The following NELL1 variants were observed in gnomAD, a reference collection of about 807,000 sequenced individuals.
The protein encoded by NELL1 is neural EGFL like 1.
Under a neutral mutation model 107.4 loss-of-function variants are expected in NELL1, and 76 were observed. The ratio of observed to expected loss-of-function variants is 0.71; its 90% CI spans 0.59 to 0.86. The LOEUF is 0.86. NELL1 is among the 40% of genes least tolerant of loss of function. The probability of loss-of-function intolerance (pLI) is 0.00; values close to 1 mark genes in which losing one functional copy is unlikely to be tolerated. For synonymous variants in NELL1, 353 were observed against 341.2 expected (o/e 1.03, Z -0.38); for missense variants, 1,024 against 1,005.5 (o/e 1.02, Z -0.25).
intron 15 of NELL1, among the ~76,000 whole-genome samples, chr11:21,498,618 C>T (rs912443883): frequency 3.3e-5 from 5 of 151,688 alleles, no homozygotes; most frequent in Non-Finnish European, 5.9e-5. Flanking sequence ...AATTAATATT[C>T]TTACAGAAGT....
At chr11:21,204,253 A>T (rs1857338975) in intron 13 of NELL1, among the ~76,000 whole-genome samples, 1 of 152,054 alleles carries the variant, frequency 6.6e-6, no homozygotes, top group African/African-American at 2.4e-5. Flanking sequence ...CACCAATCAA[A>T]TGTAGATTTA....
intron 15 of NELL1, among the ~76,000 whole-genome samples, chr11:21,529,906 A>T (rs1028546652): frequency 6.6e-5 from 10 of 152,304 alleles, no homozygotes; most frequent in African/African-American, 2.4e-4. Flanking sequence ...TGAAATCTAA[A>T]TAATTATTAG....
chr11:21,213,875 A>G (rs1345553640), intron 13 of NELL1, among the ~76,000 whole-genome samples: 2 of 152,160 alleles, frequency 1.3e-5, no homozygotes, highest in African/African-American at 4.8e-5. Flanking sequence ...ATATAAAACT[A>G]TTGGAAAAAT....
chr11:21,258,058 G>A (rs771562107), intron 14 of NELL1, among the ~76,000 whole-genome samples: 22 of 151,988 alleles, frequency 1.4e-4, no homozygotes, highest in Non-Finnish European at 2.6e-4. Context: ...GGAGACGCCC[G>A]AAGTGGAGAA....
At chr11:21,375,618 T>C (rs1001101781) in intron 15 of NELL1, among the ~76,000 whole-genome samples, 4 of 152,100 alleles carry the variant, frequency 2.6e-5, no homozygotes, top group Non-Finnish European at 4.4e-5. Flanking sequence ...TTCTTTGAGA[T>C]ATCTCCAAAC....
chr11:21,320,826 T>A (rs754062474), intron 14 of NELL1, among the ~76,000 whole-genome samples: 1 of 152,226 alleles, frequency 6.6e-6, no homozygotes, highest in Non-Finnish European at 1.5e-5. Context: ...ATGCTTTCTA[T>A]GCACATTTAA....
chr11:20,676,397 T>C (rs899077540), intron 1 of NELL1, among the ~76,000 whole-genome samples: 1 of 152,060 alleles, frequency 6.6e-6, no homozygotes, highest in African/African-American at 2.4e-5. Context: ...GTGTGCTATA[T>C]AGTAAGCACT....
rs562464841 is a variant in NELL1 at position 21,573,311 on chromosome 11, G to T, written c.2284G>T (p.Asp762Tyr). The T allele has an allele frequency of 2.5e-6, 4 of 1,612,566 alleles. No individual in the cohort carries two copies. In the East Asian group the frequency reaches 8.9e-5, roughly 36 times the overall value. ...DPCLADNITY[D>Y]IRKTCLDSYG... ...CTGCCTAGCTGATAACATCACCTAT[G>T]ACATCAGAAAAACTTGCCTGGACAG... Residue 762 changes from aspartate (D) to tyrosine (Y), a missense_variant, in exon 19 of 20, where the codon GAC becomes TAC. Coordinates refer to ENST00000357134, the MANE Select transcript of NELL1 (RefSeq NM_006157.5).
At chr11:21,482,474 CAT>C (rs925215730) in intron 15 of NELL1, among the ~76,000 whole-genome samples, 3 of 152,230 alleles carry the variant, frequency 2.0e-5, no homozygotes, top group Non-Finnish European at 2.9e-5. Context: ...CAGAATTACA[CAT>C]GTCGACTACA....
intron 15 of NELL1, among the ~76,000 whole-genome samples, chr11:21,477,323 G>A (rs1564913653): frequency 2.0e-5 from 3 of 152,168 alleles, no homozygotes; most frequent in Admixed American, 6.5e-5. Context: ...CAGCTCCTGG[G>A]AGCTTAGCAC....
chr11:21,311,104 C>T (rs535574587), intron 14 of NELL1, among the ~76,000 whole-genome samples: 2 of 152,014 alleles, frequency 1.3e-5, no homozygotes, highest in Admixed American at 1.3e-4. Context: ...TCTGAAGCAG[C>T]TTATTGATGC....
chr11:21,253,111 T>C (rs879845196), intron 14 of NELL1, among the ~76,000 whole-genome samples: 1 of 152,180 alleles, frequency 6.6e-6, no homozygotes, highest in Non-Finnish European at 1.5e-5. Context: ...CCAGGCATTT[T>C]AGAGCTAGAA....
intron 16 of NELL1, among the ~76,000 whole-genome samples, chr11:21,553,399 C>T (rs1856636862): frequency 6.6e-6 from 1 of 151,758 alleles, no homozygotes; most frequent in Non-Finnish European, 1.5e-5. Context: ...TATGGAATGT[C>T]CAAGAGAACT....
chr11:21,155,382 A>G (rs1856209529), intron 13 of NELL1, among the ~76,000 whole-genome samples: 1 of 152,182 alleles, frequency 6.6e-6, no homozygotes, highest in South Asian at 2.1e-4. Context: ...TGTTGTGAAG[A>G]TAAGAGTGTC....
intron 12 of NELL1, among the ~76,000 whole-genome samples, chr11:21,108,743 G>A (rs1402028350): frequency 1.3e-5 from 2 of 152,134 alleles, no homozygotes; most frequent in Non-Finnish European, 2.9e-5. Flanking sequence ...TTGGGTCACT[G>A]GAGCCTAAAG....
intron 2 of NELL1, among the ~76,000 whole-genome samples, chr11:20,696,367 G>C (rs371348521): frequency 6.6e-6 from 1 of 151,950 alleles, no homozygotes; most frequent in East Asian, 1.9e-4. Flanking sequence ...ACTAGGTTTG[G>C]GGTCATTTTT....
chr11:20,706,109 G>A (rs936974794), intron 2 of NELL1, among the ~76,000 whole-genome samples: 11 of 152,234 alleles, frequency 7.2e-5, no homozygotes, highest in African/African-American at 1.7e-4. Context: ...ACAGTGTGGC[G>A]ATTCCTCAAG....
intron 4 of NELL1, among the ~76,000 whole-genome samples, chr11:20,865,884 A>G (rs570231509): frequency 4.6e-5 from 7 of 152,290 alleles, no homozygotes; most frequent in African/African-American, 1.4e-4. Flanking sequence ...AGTTTCCCAC[A>G]GGACCCTGAC....
chr11:20,805,990 T>C (rs2134007581), intron 3 of NELL1, among the ~76,000 whole-genome samples: 1 of 152,344 alleles, frequency 6.6e-6, no homozygotes, highest in East Asian at 1.9e-4. Flanking sequence ...TGGTTCATGT[T>C]TTTGTTTTTC....
Sources: gnomAD v4.1 joint callset for allele counts (sites outside exome capture counted in the v4.1 genomes callset) on GRCh38, gnomAD v4.1.1 for gene constraint, MANE v1.5 for transcripts, NCBI Gene and HGNC (gene_info 2026-07-23, HGNC 2026-07-21) for gene names.